Variants in PRKG1 observed in about 807,000 individuals in gnomAD.
The protein encoded by PRKG1 is protein kinase cGMP-dependent 1, also known as cGMP-dependent protein kinase 1.
Under a neutral mutation model 88.1 loss-of-function variants are expected in PRKG1, and 35 were observed. The ratio of observed to expected loss-of-function variants is 0.40; its 90% CI spans 0.30 to 0.53. The LOEUF (loss-of-function observed/expected upper bound fraction) is 0.53. Among genes scored for constraint, PRKG1 ranks in the 20% least tolerant of loss-of-function variants. PRKG1 has a pLI of 0.59. For synonymous variants in PRKG1, 303 were observed against 292.5 expected, an observed-to-expected ratio of 1.04 and a Z score of -0.37; for missense variants, 540 against 839.8, an observed-to-expected ratio of 0.64 and a Z score of 4.41.
intron 2 of PRKG1, among the ~76,000 whole-genome samples, chr10:51,455,918 A>G (rs1297731920): frequency 1.3e-5 from 2 of 152,170 alleles, no homozygotes; most frequent in Non-Finnish European, 2.9e-5. Flanking sequence ...TTTGAAAGTC[A>G]CTTCCACGTT....
chr10:51,560,882 T>C (rs1397122886), intron 3 of PRKG1, among the ~76,000 whole-genome samples: 2 of 152,050 alleles, frequency 1.3e-5, no homozygotes, highest in Non-Finnish European at 2.9e-5. Flanking sequence ...TTTATTTCAA[T>C]AGTATATTTA....
chr10:52,096,576 G>A (rs753663765), intron 7 of PRKG1, among the ~76,000 whole-genome samples: 33 of 152,060 alleles, frequency 2.2e-4, no homozygotes, highest in South Asian at 6.2e-4. Flanking sequence ...CACTTGCTTC[G>A]ACACTAGCTT....
intron 6 of PRKG1, among the ~76,000 whole-genome samples, chr10:52,058,725 T>C (rs961497242): frequency 6.6e-6 from 1 of 151,810 alleles, no homozygotes; most frequent in Non-Finnish European, 1.5e-5. Context: ...TCAAGAGAAA[T>C]GTATGACTTG....
chr10:52,181,419 C>CTTTTTTTTTT (rs761799361), intron 9 of PRKG1, among the ~76,000 whole-genome samples: 7 of 55,050 alleles, frequency 1.3e-4, no homozygotes, highest in African/African-American at 3.4e-4. Flanking sequence ...CACAGCTCTT[C>CTTTTTTTTTT]TTTTTTTTTT....
chr10:51,307,740 T>G (rs1160450361), intron 2 of PRKG1, among the ~76,000 whole-genome samples: 1 of 152,178 alleles, frequency 6.6e-6, no homozygotes, highest in Non-Finnish European at 1.5e-5. Context: ...TGAAATATAT[T>G]CTATATTATT....
chr10:51,016,692 T>TTTTTTTTTTTTTTTTTTTTTTTTC lies in PRKG1; in HGVS notation c.266+25048_266+25049insTTTTTTTTTTTTTTTTTTTTTTTC, dbSNP rs1554830040. Among the ~76,000 whole-genome samples the TTTTTTTTTTTTTTTTTTTTTTTTC allele has an allele frequency of 7.5e-5, 10 of 133,244 alleles. 1 individual carries two copies. Among genetic ancestry groups the TTTTTTTTTTTTTTTTTTTTTTTTC allele is most frequent in the African/African-American group, 2.9e-4 (10 of 34,024 alleles). 87.4% of individuals were successfully genotyped at this position (133,244 alleles called of 152,430 possible). A position where few individuals can be genotyped will look rare whatever the true frequency, so the allele number is the denominator to read the frequency against. ...TCCTTTCTTTTTTTTTTTTTTTTTTTGGAATCTTGCTCTGTTGCCAGGCTG... is the reference window on the plus strand; with the variant it reads ...TCCTTTCTTTTTTTTTTTTTTTTTTTTTTTTTTTTTTTTTTTTTTTTTTCGGAATCTTGCTCTGTTGCCAGGCTG... On this transcript the variant is annotated intron_variant, in intron 1 of 17. Coordinates refer to the PRKG1 transcript ENST00000401604.
intron 2 of PRKG1, among the ~76,000 whole-genome samples, chr10:51,195,641 T>C (rs1191015054): frequency 1.3e-5 from 2 of 152,198 alleles, no homozygotes; most frequent in Non-Finnish European, 2.9e-5. Context: ...CTGACTTCAA[T>C]GCTAACTTAA....
At chr10:51,546,123 A>T (rs532628544) in intron 3 of PRKG1, among the ~76,000 whole-genome samples, 16 of 151,756 alleles carry the variant, frequency 1.1e-4, no homozygotes, top group Admixed American at 2.0e-4. Context: ...TTCTAGCCAG[A>T]TAATTCATGA....
intron 8 of PRKG1, among the ~76,000 whole-genome samples, chr10:52,145,622 C>G (rs979702894): frequency 6.6e-6 from 1 of 152,164 alleles, no homozygotes; most frequent in African/African-American, 2.4e-5. Flanking sequence ...TAAAAATTCA[C>G]TGTATAGTCA....
chr10:51,524,560 C>T (rs1304312832), intron 3 of PRKG1, among the ~76,000 whole-genome samples: 1 of 152,156 alleles, frequency 6.6e-6, no homozygotes, highest in Non-Finnish European at 1.5e-5. Context: ...CCATCTAATA[C>T]ATGTACAATT....
intron 4 of PRKG1, among the ~76,000 whole-genome samples, chr10:51,852,833 T>C (rs2132811035): frequency 6.6e-6 from 1 of 152,282 alleles, no homozygotes; most frequent in South Asian, 2.1e-4. Flanking sequence ...TATATGTCCC[T>C]AGATATTTTA....
chr10:51,342,330 C>G (rs754817422), intron 2 of PRKG1, among the ~76,000 whole-genome samples: 23 of 152,192 alleles, frequency 1.5e-4, no homozygotes, highest in Middle Eastern at 3.4e-3. Flanking sequence ...AAATGTCATA[C>G]AGAGAGAGAT....
intron 7 of PRKG1, among the ~76,000 whole-genome samples, chr10:52,076,648 C>G (rs1846636815): frequency 6.6e-6 from 1 of 152,128 alleles, no homozygotes; most frequent in Non-Finnish European, 1.5e-5. Flanking sequence ...AAAGGCAACC[C>G]ACAGACTGGG....
At chr10:51,153,944 T>C (rs1342905744) in intron 2 of PRKG1, among the ~76,000 whole-genome samples, 2 of 152,054 alleles carry the variant, frequency 1.3e-5, no homozygotes, top group Non-Finnish European at 2.9e-5. Context: ...TTTTTCATAA[T>C]ACTTCTTTCT....
intron 9 of PRKG1, among the ~76,000 whole-genome samples, chr10:52,222,374 A>G: frequency 6.6e-6 from 1 of 152,172 alleles, no homozygotes; most frequent in South Asian, 2.1e-4. Flanking sequence ...ATTGATCCCT[A>G]AACTCCAAGC....
intron 2 of PRKG1, among the ~76,000 whole-genome samples, chr10:51,248,820 T>C (rs774425959): frequency 2.6e-5 from 4 of 151,628 alleles, no homozygotes; most frequent in Non-Finnish European, 5.9e-5. Flanking sequence ...AAACAACTAA[T>C]GAACATTACA....
chr10:51,311,170 A>G (rs182836889), intron 2 of PRKG1, among the ~76,000 whole-genome samples: 1 of 152,304 alleles, frequency 6.6e-6, no homozygotes, highest in Admixed American at 6.5e-5. Context: ...ATACTTGAAC[A>G]CTAAAAAGAT....
chr10:51,794,401 T>C (rs780896738), intron 3 of PRKG1, among the ~76,000 whole-genome samples: 3 of 152,158 alleles, frequency 2.0e-5, no homozygotes, highest in Non-Finnish European at 2.9e-5. Context: ...AGCTGTAGAA[T>C]ACTTCTCAAC....
chr10:51,087,208 A>T (rs1844275483), intron 1 of PRKG1, among the ~76,000 whole-genome samples: 2 of 152,140 alleles, frequency 1.3e-5, no homozygotes, highest in Admixed American at 1.3e-4. Flanking sequence ...ACCTAGAAAC[A>T]ATTTCCTCTC....
Sources: gnomAD v4.1 joint callset for allele counts (sites outside exome capture counted in the v4.1 genomes callset) on GRCh38, gnomAD v4.1.1 for gene constraint, MANE v1.5 for transcripts, NCBI Gene and HGNC (gene_info 2026-07-23, HGNC 2026-07-21) for gene names.